The following PID1 variants were observed in gnomAD, a reference collection of about 807,000 sequenced individuals.
PID1 encodes the protein phosphotyrosine interaction domain containing 1, also known as PTB-containing, cubilin and LRP1-interacting protein.
A neutral mutation model predicts 19.1 loss-of-function variants in PID1; 10 were observed. The observed-to-expected ratio is 0.52, with a 90% confidence interval of 0.32 to 0.89. The LOEUF (loss-of-function observed/expected upper bound fraction) is 0.89. Ranked by LOEUF, PID1 falls within the 40% of genes least tolerant of loss-of-function variation. The pLI is 0.03. For synonymous variants in PID1, 130 were observed against 116.0 expected (o/e 1.12, Z -0.78); for missense variants, 248 against 285.3 (o/e 0.87, Z 0.94).
intron 1 of PID1, among the ~76,000 whole-genome samples, chr2:229,200,144 A>C (rs986686855): frequency 6.6e-6 from 1 of 151,738 alleles, no homozygotes; most frequent in African/African-American, 2.4e-5. Context: ...CACTCCCCCG[A>C]CTCATCCTAG....
At chr2:229,069,529 T>C (rs1694409655) in intron 2 of PID1, among the ~76,000 whole-genome samples, 1 of 152,200 alleles carries the variant, frequency 6.6e-6, no homozygotes, top group African/African-American at 2.4e-5. Flanking sequence ...AAGAAAGTAC[T>C]TGGTGGCTAT....
Position 229,155,933 on chromosome 2 carries a change from T to C in PID1, c.62A>G (p.Asn21Ser), listed in dbSNP as rs1690364514. 3 of 1,613,848 alleles carry C rather than the reference T, an allele frequency of 1.9e-6. No individual in the cohort carries two copies. The highest frequency in any genetic ancestry group is 2.7e-5 in the African/African-American group (2 of 74,928). ...HFQTMLKSKL[N>S]VLTLKKEPLP... ...AGGTTCCTTTTTCAGTGTTAAGACA[T>C]TCAATTTAGACTTCAGCATGGTCTG... The change falls in exon 2 of 3, where the codon AAT becomes AGT. Residue 21 changes from asparagine (N) to serine (S), a missense_variant. Transcript: ENST00000392055.
At position 229,186,925 on chromosome 2, in the gene PID1, T is replaced by G. The variant is rs151097589; in HGVS notation, c.31-30961A>C. ...AGCACCCAAGTCAACTCTTGAATGC[T>G]TTGCTGCTTAGAAATTCTTCTGCCA... On this transcript the variant is annotated intron_variant, in intron 1 of 2. Coordinates refer to ENST00000392055, the MANE Select transcript of PID1 (RefSeq NM_001100818.2). Among the ~76,000 whole-genome samples, 917 of 152,348 alleles carry G rather than the reference T, an allele frequency of 6.0e-3. 11 individuals carry two copies. Among genetic ancestry groups the G allele is most frequent in the African/African-American group, 0.021 (868 of 41,584 alleles).
intron 1 of PID1, among the ~76,000 whole-genome samples, chr2:229,225,904 G>C (rs1331088567): frequency 6.6e-6 from 1 of 152,094 alleles, no homozygotes; most frequent in Non-Finnish European, 1.5e-5. Flanking sequence ...TCTCCCACTG[G>C]GTCCATCCCA....
At chr2:229,222,577 T>C (rs540776695) in intron 1 of PID1, among the ~76,000 whole-genome samples, 212 of 152,294 alleles carry the variant, frequency 1.4e-3, no homozygotes, top group South Asian at 4.3e-3. Flanking sequence ...AGGGTGCTTC[T>C]AGATGAGACT....
intron 2 of PID1, among the ~76,000 whole-genome samples, chr2:229,113,535 T>C (rs938694101): frequency 2.1e-5 from 3 of 144,246 alleles, no homozygotes; most frequent in Non-Finnish European, 4.6e-5. Flanking sequence ...TATAAATACA[T>C]AACCATCAGT....
At chr2:229,192,466 A>T (rs563235918) in intron 1 of PID1, among the ~76,000 whole-genome samples, 1 of 152,312 alleles carries the variant, frequency 6.6e-6, no homozygotes, top group East Asian at 1.9e-4. Context: ...GTCCTACTTC[A>T]TAACTATAAA....
intron 2 of PID1, among the ~76,000 whole-genome samples, chr2:229,143,740 A>G (rs1459736201): frequency 1.3e-5 from 2 of 152,082 alleles, no homozygotes; most frequent in Non-Finnish European, 2.9e-5. Context: ...TGTTCTCGTG[A>G]TAGTGAGTTC....
chr2:229,042,942 T>A (rs188721690), intron 2 of PID1, among the ~76,000 whole-genome samples: 11 of 152,150 alleles, frequency 7.2e-5, no homozygotes, highest in South Asian at 2.1e-4. Context: ...TTCTTTTTTT[T>A]AATTTTTTTT....
At chr2:229,144,768 A>G (rs1419673251) in intron 2 of PID1, among the ~76,000 whole-genome samples, 1 of 152,124 alleles carries the variant, frequency 6.6e-6, no homozygotes. Flanking sequence ...AATTACGATC[A>G]CTTCTTCAAG....
At chr2:229,257,056 A>C (rs1167648941) in intron 1 of PID1, among the ~76,000 whole-genome samples, 3 of 152,140 alleles carry the variant, frequency 2.0e-5, no homozygotes, top group African/African-American at 7.2e-5. Flanking sequence ...AAATATTCTC[A>C]TTATCCCCAT....
intron 2 of PID1, among the ~76,000 whole-genome samples, chr2:229,040,132 A>AT (rs1186728072): frequency 6.6e-6 from 1 of 151,704 alleles, no homozygotes; most frequent in Admixed American, 6.6e-5. Context: ...AAAAAAAAAA[A>AT]AAAAGGCTGG....
chr2:229,158,821 A>T (rs769817459), intron 1 of PID1, among the ~76,000 whole-genome samples: 1 of 152,206 alleles, frequency 6.6e-6, no homozygotes, highest in Non-Finnish European at 1.5e-5. Context: ...GAAATAAGCC[A>T]AGCACAGAAA....
chr2:229,132,771 T>A (rs1689770782), intron 2 of PID1, among the ~76,000 whole-genome samples: 1 of 152,202 alleles, frequency 6.6e-6, no homozygotes, highest in Admixed American at 6.5e-5. Flanking sequence ...TCCAAATGAT[T>A]TTTCAAATTA....
intron 1 of PID1, among the ~76,000 whole-genome samples, chr2:229,178,942 G>A (rs1339728941): frequency 6.6e-6 from 1 of 152,068 alleles, no homozygotes; most frequent in Non-Finnish European, 1.5e-5. Context: ...CCCAGGGTGA[G>A]GCCCCAACCC....
rs112945647 is a variant in PID1, at chr2:229,169,994, T to A, written c.31-14030A>T. Among the ~76,000 whole-genome samples the A allele has an allele frequency of 3.0e-3, 455 of 152,290 alleles. 5 individuals carry two copies. The highest frequency in any genetic ancestry group is 0.01 in the African/African-American group (430 of 41,562). ...AGACATCTGGTGACTGGCTCAGTTC[T>A]GAAGACAGCATGCCATACCAGATCA... On this transcript the variant is annotated intron_variant, in intron 1 of 2. Coordinates refer to ENST00000392055, the MANE Select transcript of PID1 (RefSeq NM_001100818.2).
chr2:229,138,842 T>C (rs536529318), intron 2 of PID1, among the ~76,000 whole-genome samples: 22 of 145,222 alleles, frequency 1.5e-4, no homozygotes, highest in Non-Finnish European at 2.1e-4. Flanking sequence ...GCTGGACAGA[T>C]GAGACATACG....
chr2:229,051,986 A>G (rs2106184617), intron 2 of PID1, among the ~76,000 whole-genome samples: 1 of 152,310 alleles, frequency 6.6e-6, no homozygotes, highest in African/African-American at 2.4e-5. Flanking sequence ...TTTGGTCCCC[A>G]GCTCAACTGA....
At chr2:229,224,029 T>C (rs774420651) in intron 1 of PID1, among the ~76,000 whole-genome samples, 1 of 152,186 alleles carries the variant, frequency 6.6e-6, no homozygotes, top group Non-Finnish European at 1.5e-5. Context: ...TGATAACATG[T>C]GGTATTTGAT....
Sources: allele counts gnomAD v4.1 joint callset (sites outside exome capture counted in the v4.1 genomes callset), GRCh38; gene constraint gnomAD v4.1.1; transcripts MANE v1.5; gene names NCBI Gene and HGNC (gene_info 2026-07-23, HGNC 2026-07-21).